Variants in KCNQ3 observed in about 807,000 individuals in gnomAD.
KCNQ3 encodes the protein potassium voltage-gated channel subfamily KQT member 3.
KCNQ3 carries 30 observed loss-of-function variants against 92.5 expected under a neutral mutation model. That is an observed-to-expected ratio of 0.32 (90% CI 0.24 to 0.44). The LOEUF is 0.44. Among genes scored for constraint, KCNQ3 ranks in the 20% least tolerant of loss-of-function variants. The probability of loss-of-function intolerance (pLI) is 1.00; values close to 1 mark genes in which losing one functional copy is unlikely to be tolerated. For synonymous variants in KCNQ3, 450 were observed against 468.8 expected, an observed-to-expected ratio of 0.96 and a Z score of 0.52; for missense variants, 913 against 1,140.3, an observed-to-expected ratio of 0.80 and a Z score of 2.87.
chr8:132,428,751 T>C (rs1821172601), intron 1 of KCNQ3, among the ~76,000 whole-genome samples: 1 of 152,252 alleles, frequency 6.6e-6, no homozygotes, highest in Non-Finnish European at 1.5e-5. Context: ...AAGTGCAGTT[T>C]AGAGCACCTT....
At chr8:132,157,516 C>T (rs1198463602) in intron 9 of KCNQ3, among the ~76,000 whole-genome samples, 1 of 152,174 alleles carries the variant, frequency 6.6e-6, no homozygotes, top group African/African-American at 2.4e-5. Context: ...CTCTCTCTAG[C>T]TCTCAGTGCC....
intron 1 of KCNQ3, among the ~76,000 whole-genome samples, chr8:132,327,218 A>G (rs1317826024): frequency 6.6e-6 from 1 of 152,232 alleles, no homozygotes; most frequent in Non-Finnish European, 1.5e-5. Flanking sequence ...CATGTGTGAG[A>G]AGAAACATGC....
At chr8:132,418,027 C>A (rs575644274) in intron 1 of KCNQ3, among the ~76,000 whole-genome samples, 2 of 152,128 alleles carry the variant, frequency 1.3e-5, no homozygotes, top group Non-Finnish European at 2.9e-5. Context: ...AGCCACACCC[C>A]CCTCATCTTC....
intron 1 of KCNQ3, among the ~76,000 whole-genome samples, chr8:132,272,385 C>A (rs528842930): frequency 6.6e-6 from 1 of 152,330 alleles, no homozygotes; most frequent in East Asian, 1.9e-4. Flanking sequence ...GCTACCCTTT[C>A]TGTAGCCACT....
intron 1 of KCNQ3, among the ~76,000 whole-genome samples, chr8:132,404,183 T>C (rs982771330): frequency 4.6e-5 from 7 of 152,334 alleles, no homozygotes; most frequent in African/African-American, 1.7e-4. Context: ...GGATGCTCTG[T>C]AGAGTCGTGG....
chr8:132,417,354 G>A (rs898781961), intron 1 of KCNQ3, among the ~76,000 whole-genome samples: 2 of 152,048 alleles, frequency 1.3e-5, no homozygotes, highest in African/African-American at 4.8e-5. Context: ...AACAGGGAGG[G>A]GACCAAGTCC....
chr8:132,192,690 C>A (rs1827196168), intron 1 of KCNQ3, among the ~76,000 whole-genome samples: 2 of 152,186 alleles, frequency 1.3e-5, no homozygotes, highest in African/African-American at 4.8e-5. Context: ...CGCTCTGTCA[C>A]CCAGGCTGGA....
At chr8:132,138,694 G>A (rs1825185850) in intron 11 of KCNQ3, among the ~76,000 whole-genome samples, 2 of 152,200 alleles carry the variant, frequency 1.3e-5, no homozygotes, top group African/African-American at 4.8e-5. Flanking sequence ...TGAGCACAGA[G>A]TTTGTTCAAA....
chr8:132,400,029 C>T (rs1426015096), intron 1 of KCNQ3, among the ~76,000 whole-genome samples: 1 of 152,190 alleles, frequency 6.6e-6, no homozygotes, highest in Non-Finnish European at 1.5e-5. Flanking sequence ...TGCAGGAGAA[C>T]GTAACCTGGC....
chr8:132,215,379 A>C (rs17595945), intron 1 of KCNQ3, among the ~76,000 whole-genome samples: 48,815 of 152,196 alleles, frequency 0.32, 9,559 homozygotes, highest in Middle Eastern at 0.47. Context: ...TGCTGCAGTT[A>C]ACCACAGGGA....
chr8:132,301,609 G>A (rs1156920861), intron 1 of KCNQ3, among the ~76,000 whole-genome samples: 1 of 152,190 alleles, frequency 6.6e-6, no homozygotes, highest in Admixed American at 6.5e-5. Flanking sequence ...TGGGAATACT[G>A]AACCAAGGTC....
intron 1 of KCNQ3, among the ~76,000 whole-genome samples, chr8:132,290,323 G>T (rs1207375890): frequency 6.6e-6 from 1 of 152,150 alleles, no homozygotes; most frequent in Non-Finnish European, 1.5e-5. Context: ...AGAGAAGAAG[G>T]TGGAGGCCAT....
chr8:132,205,527 C>A (rs1050186402), intron 1 of KCNQ3, among the ~76,000 whole-genome samples: 1 of 152,196 alleles, frequency 6.6e-6, no homozygotes, highest in Non-Finnish European at 1.5e-5. Context: ...AGGCACTAAA[C>A]TAAAAGCAGT....
At chr8:132,234,120 T>C (rs1411147781) in intron 1 of KCNQ3, among the ~76,000 whole-genome samples, 1 of 152,152 alleles carries the variant, frequency 6.6e-6, no homozygotes, top group Non-Finnish European at 1.5e-5. Context: ...TTTTTTGCAA[T>C]CGAGCCTACA....
At chr8:132,377,994 G>A (rs1490360605) in intron 1 of KCNQ3, among the ~76,000 whole-genome samples, 1 of 152,162 alleles carries the variant, frequency 6.6e-6, no homozygotes, top group Non-Finnish European at 1.5e-5. Context: ...GGACTTGGAA[G>A]AAGGTTCTAC....
intron 4 of KCNQ3, among the ~76,000 whole-genome samples, chr8:132,176,196 T>G (rs1826546457): frequency 6.6e-6 from 1 of 152,196 alleles, no homozygotes; most frequent in South Asian, 2.1e-4. Flanking sequence ...TTAGAGCCTA[T>G]GCAAAAGAAG....
At chr8:132,189,888 C>CAAA (rs776683880) in intron 1 of KCNQ3, among the ~76,000 whole-genome samples, 10,699 of 63,776 alleles carry the variant, frequency 0.17, 1,162 homozygotes, top group Non-Finnish European at 0.2. Flanking sequence ...TAAAAATGAC[C>CAAA]AAAAAAAAAA....
At chr8:132,229,091 T>A (rs534157621) in intron 1 of KCNQ3, among the ~76,000 whole-genome samples, 1 of 152,148 alleles carries the variant, frequency 6.6e-6, no homozygotes, top group Admixed American at 6.5e-5. Flanking sequence ...CCGTCTCTAC[T>A]AAAAATACAG....
intron 1 of KCNQ3, among the ~76,000 whole-genome samples, chr8:132,303,601 G>T (rs1817301776): frequency 4.0e-4 from 7 of 17,518 alleles, no homozygotes; most frequent in South Asian, 2.0e-3. Context: ...ATATATATAT[G>T]GTGTGTATAT....
Sources: gnomAD v4.1 joint callset for allele counts (sites outside exome capture counted in the v4.1 genomes callset) on GRCh38, gnomAD v4.1.1 for gene constraint, MANE v1.5 for transcripts, NCBI Gene and HGNC (gene_info 2026-07-23, HGNC 2026-07-21) for gene names.